MICU1: variants seen among roughly 807,000 people sequenced by gnomAD.
MICU1 encodes mitochondrial calcium uptake 1.
In MICU1, 45 loss-of-function variants were observed where a neutral mutation model predicts 56.8. That is an observed-to-expected ratio of 0.79 (90% CI 0.62 to 1.02). The LOEUF (loss-of-function observed/expected upper bound fraction) is 1.02. Ranked by LOEUF, MICU1 falls within the 50% of genes least tolerant of loss-of-function variation. The pLI is 0.00. For missense variants in MICU1, 504 were observed against 587.1 expected (o/e 0.86, Z 1.46); for synonymous variants, 186 against 195.1 (o/e 0.95, Z 0.39).
chr10:72,470,034 T>C (rs1286258448), intron 8 of MICU1, among the ~76,000 whole-genome samples: 1 of 152,224 alleles, frequency 6.6e-6, no homozygotes, highest in Non-Finnish European at 1.5e-5. Flanking sequence ...TACTGGGGGT[T>C]GGGACATCAA....
At chr10:72,441,619 T>TTC (rs1554870795) in intron 8 of MICU1, among the ~76,000 whole-genome samples, 2 of 137,296 alleles carry the variant, frequency 1.5e-5, no homozygotes, top group African/African-American at 5.2e-5. Flanking sequence ...ATTTTTCTTT[T>TTC]TTTTTTTTTT....
chr10:72,542,741 C>G (rs1839804284), intron 4 of MICU1, among the ~76,000 whole-genome samples: 1 of 152,210 alleles, frequency 6.6e-6, no homozygotes, highest in African/African-American at 2.4e-5. Flanking sequence ...GGGCAAAGGG[C>G]CAGTGTGACA....
rs376838843 is a variant in MICU1, at chr10:72,475,197, G to T, written c.836C>A (p.Thr279Lys). ...TLKSGLCSAL[T>K]TYFFGADLKG... ...CAGATCAGCTCCAAAAAAGTAGGTT[G>T]TGAGGGCTGAACACAAGCCAGACTT... The change falls in exon 8 of 12, where the codon ACA becomes AAA. Residue 279 changes from threonine to lysine, a missense_variant. Thr to Lys is a moderately conservative substitution (Grantham distance 78, BLOSUM62 -1). Coordinates refer to ENST00000361114, the MANE Select transcript of MICU1 (RefSeq NM_001195518.2). The T allele has an allele frequency of 6.2e-7, 1 of 1,611,154 alleles. No individual in the cohort carries two copies. The highest frequency in any genetic ancestry group is 8.5e-7 in the Non-Finnish European group (1 of 1,178,756).
chr10:72,401,733 C>T (rs1011214385), intron 10 of MICU1, among the ~76,000 whole-genome samples: 3 of 152,178 alleles, frequency 2.0e-5, no homozygotes, highest in African/African-American at 4.8e-5. Context: ...GTAAGGAACA[C>T]TTAAGATCTC....
In MICU1 at chr10:72,443,986, G is replaced by T. The variant is rs539515528; in HGVS notation, c.934-20615C>A. Among the ~76,000 whole-genome samples, 5 of 151,938 alleles carry T rather than the reference G, an allele frequency of 3.3e-5. No individual in the cohort carries two copies. In the South Asian group the frequency reaches 8.3e-4, roughly 25 times the overall value. On this transcript the variant is annotated intron_variant, in intron 8 of 11. Coordinates refer to ENST00000361114, the MANE Select transcript of MICU1 (RefSeq NM_001195518.2). ...TGGAACCAACCCAAATGTCCAACAA[G>T]GATAGACTGGATTAAGAAAATGTGG...
chr10:72,410,634 CA>C (rs1422529599), intron 9 of MICU1, among the ~76,000 whole-genome samples: 1 of 151,994 alleles, frequency 6.6e-6, no homozygotes, highest in African/African-American at 2.4e-5. Context: ...CAAAACAAAA[CA>C]ACCAAAAAAC....
intron 9 of MICU1, among the ~76,000 whole-genome samples, chr10:72,418,725 T>G (rs529068247): frequency 6.6e-6 from 1 of 152,226 alleles, no homozygotes; most frequent in Non-Finnish European, 1.5e-5. Context: ...ACTTACATTT[T>G]CATGTTAACA....
chr10:72,438,589 A>G lies in MICU1; in HGVS notation c.934-15218T>C, dbSNP rs1010131814. On this transcript the variant is annotated intron_variant, in intron 8 of 11. Coordinates refer to ENST00000361114, the MANE Select transcript of MICU1 (RefSeq NM_001195518.2). ...GAGATAGAGACACAAAAACCCTTCA[A>G]AAAAAATCAATGAATCCAGGAGCTG... Among the ~76,000 whole-genome samples, 3 of 149,434 alleles carry G rather than the reference A, an allele frequency of 2.0e-5. No individual in the cohort carries two copies. The Admixed American group carries it at 2.0e-4, about 10-fold the overall frequency.
Position 72,569,233 on chromosome 10 carries a change from A to ATT in MICU1, c.-1-2440_-1-2439insAA, listed in dbSNP as rs1231227018. Among the ~76,000 whole-genome samples the ATT allele has an allele frequency of 4.6e-3, 184 of 40,282 alleles. 4 individuals carry two copies. Among genetic ancestry groups the ATT allele is most frequent in the Middle Eastern group, 0.018 (1 of 56 alleles). The allele number at this position is 40,282 out of a possible 152,430, so 26.4% of individuals were successfully genotyped here. A position where few individuals can be genotyped will look rare whatever the true frequency, so the allele number is the denominator to read the frequency against. On this transcript the variant is annotated intron_variant, in intron 1 of 11. Transcript: ENST00000361114. ...TATATATATATATATATATATATAT[A>ATT]TATATTTTTTTTTTTTTTTGAGATG...
intron 6 of MICU1, among the ~76,000 whole-genome samples, chr10:72,479,313 A>T (rs1473078837): frequency 6.6e-6 from 1 of 152,094 alleles, no homozygotes; most frequent in African/African-American, 2.4e-5. Flanking sequence ...ATAAACACAC[A>T]CTCTTCATGC....
At chr10:72,555,007 T>G (rs562051264) in intron 3 of MICU1, among the ~76,000 whole-genome samples, 40 of 152,154 alleles carry the variant, frequency 2.6e-4, no homozygotes, top group African/African-American at 9.2e-4. Context: ...AGAGAGAGAC[T>G]CTATCTCAAA....
intron 1 of MICU1, among the ~76,000 whole-genome samples, chr10:72,613,605 A>G (rs539799686): frequency 1.3e-5 from 2 of 152,014 alleles, no homozygotes; most frequent in East Asian, 3.9e-4. Flanking sequence ...ATATTCTCCT[A>G]CACAACTACA....
intron 6 of MICU1, among the ~76,000 whole-genome samples, chr10:72,487,906 T>A (rs1047856266): frequency 6.6e-6 from 1 of 152,058 alleles, no homozygotes; most frequent in Non-Finnish European, 1.5e-5. Flanking sequence ...CAGTTAATAA[T>A]GTAAAAAAGT....
intron 5 of MICU1, among the ~76,000 whole-genome samples, chr10:72,530,197 G>T (rs1460761543): frequency 6.6e-6 from 1 of 151,230 alleles, no homozygotes; most frequent in African/African-American, 2.4e-5. Flanking sequence ...CGGGTGTGGT[G>T]GTGGATGCCT....
chr10:72,399,700 C>A (rs889599511), intron 10 of MICU1, among the ~76,000 whole-genome samples: 1 of 152,044 alleles, frequency 6.6e-6, no homozygotes. Context: ...CAGTGGCTCA[C>A]GCCTGTAATC....
intron 6 of MICU1, among the ~76,000 whole-genome samples, chr10:72,495,627 C>A (rs549317731): frequency 2.7e-5 from 4 of 145,652 alleles, no homozygotes; most frequent in Admixed American, 7.0e-5. Flanking sequence ...TGTACTCCAG[C>A]CTGGGCAACA....
chr10:72,422,832 T>C (rs1864220297), intron 9 of MICU1, among the ~76,000 whole-genome samples: 1 of 82,266 alleles, frequency 1.2e-5, no homozygotes, highest in Admixed American at 1.1e-4. Context: ...TGCCTCAGCC[T>C]CTGAGTAGCT....
intron 10 of MICU1, among the ~76,000 whole-genome samples, chr10:72,388,859 C>T (rs1328130208): frequency 6.6e-6 from 1 of 152,208 alleles, no homozygotes; most frequent in Non-Finnish European, 1.5e-5. Flanking sequence ...GGAAAGAACA[C>T]AGACTGGGAA....
Position 72,566,733 on chromosome 10 carries a change from G to GGTAC in MICU1, c.57_60dup (p.His21ValfsTer50). On this transcript the variant is annotated frameshift_variant, in exon 2 of 12. Transcript: ENST00000361114. LOFTEE classifies it high-confidence loss of function. Reference sequence around the variant, plus strand: ...ATCTGGATGGGCTGTGATCCTCCATGGTACCATCGAGAACCCACAGCCAGT... The same window carrying GGTAC: ...ATCTGGATGGGCTGTGATCCTCCATGGTACGTACCATCGAGAACCCACAGCCAGT... 6.2e-7 allele frequency: 1 copy of GGTAC among 1,612,760 alleles called. No homozygotes were observed. Among genetic ancestry groups the GGTAC allele is most frequent in the Non-Finnish European group, 8.5e-7 (1 of 1,179,378 alleles).
Sources: allele counts gnomAD v4.1 joint callset (sites outside exome capture counted in the v4.1 genomes callset), GRCh38; gene constraint gnomAD v4.1.1; transcripts MANE v1.5; gene names NCBI Gene and HGNC (gene_info 2026-07-23, HGNC 2026-07-21).